The following RAB13 variants were observed in gnomAD, a reference collection of about 807,000 sequenced individuals.
RAB13 encodes the protein RAB13, member RAS oncogene family, also known as ras-related protein Rab-13.
RAB13 carries 15 observed loss-of-function variants against 29.3 expected under a neutral mutation model. That is an observed-to-expected ratio of 0.51 (90% CI 0.34 to 0.79). RAB13 has a LOEUF of 0.79. Ranked by LOEUF, RAB13 falls within the 30% of genes least tolerant of loss-of-function variation. The pLI is 0.01. For missense variants in RAB13, 186 were observed against 255.5 expected (o/e 0.73, Z 1.85); for synonymous variants, 82 against 93.8 (o/e 0.87, Z 0.73).
upstream of RAB13, among the ~76,000 whole-genome samples, chr1:153,987,883 G>A (rs1649229263): frequency 6.6e-6 from 1 of 151,482 alleles, no homozygotes; most frequent in Admixed American, 6.6e-5. Flanking sequence ...TTGAGCCCAA[G>A]AGTCCAAGGC....
In RAB13 at chr1:153,983,220, T is replaced by A; in HGVS notation, c.323A>T (p.Glu108Val). 6.2e-7 allele frequency: 1 copy of A among 1,612,484 alleles called. No individual in the cohort carries two copies. The highest frequency in any genetic ancestry group is 8.5e-7 in the Non-Finnish European group (1 of 1,178,480). Residue 108 changes from glutamate (E) to valine (V), a missense_variant and splice_region_variant, in exon 4 of 8, where the codon GAG (glutamate) becomes GTG (valine). Physicochemically the swap from Glu to Val is moderately radical, Grantham distance 121. Transcript: ENST00000368575. ...CCATCTCTTTTGGAGGGTCCTCACC[T>A]CCTTGATGCTTTTCATCCAGTTCTG... ...NIQNWMKSIK[E>V]NASAGVERLL...
chr1:153,988,041 G>C (rs1020148111), upstream of RAB13, among the ~76,000 whole-genome samples: 1 of 151,802 alleles, frequency 6.6e-6, no homozygotes, highest in Non-Finnish European at 1.5e-5. Flanking sequence ...CTGGAGTGCA[G>C]TGGCGCAATC....
chr1:153,983,583 T>C lies in RAB13; in HGVS notation c.186-2A>G, dbSNP rs754086932. The C allele has an allele frequency of 8.1e-6, 13 of 1,605,172 alleles. No individual in the cohort carries two copies. Among genetic ancestry groups the C allele is most frequent in the Non-Finnish European group, 1.1e-5 (13 of 1,172,004 alleles). On this transcript the variant is annotated splice_acceptor_variant, in intron 2 of 7. Coordinates refer to ENST00000368575, the MANE Select transcript of RAB13 (RefSeq NM_002870.5). LOFTEE classifies it high-confidence loss of function. Reference sequence around the variant, plus strand: ...AACCGCTCTTGGCCAGCCGTGTCCCTAAAGAAGGAGAAGTTTTCATGGGAT... The same window carrying C: ...AACCGCTCTTGGCCAGCCGTGTCCCCAAAGAAGGAGAAGTTTTCATGGGAT...
upstream of RAB13, among the ~76,000 whole-genome samples, chr1:153,987,340 AC>A (rs1649199155): frequency 1.3e-5 from 2 of 151,514 alleles, no homozygotes; most frequent in Non-Finnish European, 2.9e-5. Flanking sequence ...CCCCATCTCT[AC>A]TAAAAATACA....
Position 153,986,121 on chromosome 1 carries a change from G to A in RAB13, c.116C>T (p.Ser39Phe), listed in dbSNP as rs763641435. The change falls in exon 1 of 8, where the codon TCC (serine) becomes TTC (phenylalanine). Residue 39 changes from serine to phenylalanine, a missense_variant. Transcript: ENST00000368575. ...ATGGCCAGCGGGCTCACCGATGGTG[G>A]AGATGTAAGTGTTGTTGAAGTTGTC... ...AEDNFNNTYI[S>F]TIGIDFKIRT... 3.5e-5 allele frequency: 57 copies of A among 1,613,560 alleles called. No homozygotes were observed. Among genetic ancestry groups the A allele is most frequent in the Non-Finnish European group, 4.6e-5 (54 of 1,179,976 alleles).
At chr1:153,989,524 C>T (rs1000118647), upstream of RAB13, among the ~76,000 whole-genome samples, 2 of 151,586 alleles carry the variant, frequency 1.3e-5, no homozygotes, top group Non-Finnish European at 2.9e-5. Flanking sequence ...GCTGGGATTA[C>T]AGGCGTGAGC....
intron 7 of RAB13, 89 bp downstream of exon 7, chr1:153,982,302 A>C (rs867817720): frequency 7.7e-7 from 1 of 1,296,930 alleles, no homozygotes; most frequent in Non-Finnish European, 1.1e-6. Context: ...TATCAACACC[A>C]ACACACACAC....
chr1:153,983,453 A>G lies in RAB13; in HGVS notation c.246+68T>C, dbSNP rs531234487. 17 of 1,533,896 alleles carry G rather than the reference A, an allele frequency of 1.1e-5. No individual in the cohort carries two copies. In the Middle Eastern group the frequency reaches 1.0e-3, roughly 92 times the overall value. On this transcript the variant is annotated intron_variant, in intron 3 of 7. Transcript: ENST00000368575. The stretch of plus-strand genomic sequence containing the variant: ...CCATTTTTACCTGCCCCAACCCCTG[A>G]CCCTTTGTATTCATAATATATTCTG...
chr1:153,988,534 G>A (rs966897291), upstream of RAB13, among the ~76,000 whole-genome samples: 1 of 149,232 alleles, frequency 6.7e-6, no homozygotes, highest in Non-Finnish European at 1.5e-5. Flanking sequence ...CTCGTGATCT[G>A]CCCGCCTTGG....
upstream of RAB13, among the ~76,000 whole-genome samples, chr1:153,988,133 T>G (rs1254454023): frequency 1.3e-5 from 2 of 151,054 alleles, no homozygotes; most frequent in African/African-American, 4.9e-5. Context: ...CCTCTGGGAT[T>G]ACAGGTGCCC....
intron 2 of RAB13, among the ~76,000 whole-genome samples, chr1:153,983,817 T>C (rs1425585748): frequency 6.6e-6 from 1 of 152,202 alleles, no homozygotes; most frequent in Non-Finnish European, 1.5e-5. Flanking sequence ...AAGCACTGTG[T>C]ATGTATCATT....
upstream of RAB13, among the ~76,000 whole-genome samples, chr1:153,989,915 A>G (rs1176344525): frequency 6.6e-6 from 1 of 151,144 alleles, no homozygotes; most frequent in Admixed American, 6.6e-5. Flanking sequence ...AAATAAAAAT[A>G]AAAAAAAAGA....
At position 153,985,166 on chromosome 1, in the gene RAB13, G is replaced by C. The variant is rs943615323; in HGVS notation, c.125-385C>G. ...TGTTTTCTTAGAGCCCTCTACTCTT[G>C]GTATCCCACCTACCCTCCTAGTAGA... On this transcript the variant is annotated intron_variant, in intron 1 of 7. Transcript: ENST00000368575. 3.9e-6 allele frequency: 4 copies of C among 1,017,994 alleles called. No homozygotes were observed. In the South Asian group the frequency reaches 1.5e-4, roughly 39 times the overall value. The allele number at this position is 1,017,994 out of a possible 1,614,324, so 63.1% of individuals were successfully genotyped here.
At chr1:153,985,978 A>T in intron 1 of RAB13, 135 bp downstream of exon 1, 1 of 1,451,116 alleles carries the variant, frequency 6.9e-7, no homozygotes, top group Non-Finnish European at 9.2e-7. Context: ...GGGAAGGGTC[A>T]GAGCCAGGGG....
chr1:153,984,171 CTG>C (rs1649086864), intron 2 of RAB13, among the ~76,000 whole-genome samples: 1 of 120,774 alleles, frequency 8.3e-6, no homozygotes, highest in Non-Finnish European at 1.7e-5. Flanking sequence ...GAGCAAAACT[CTG>C]TCTCAAAAAA....
upstream of RAB13, among the ~76,000 whole-genome samples, chr1:153,986,953 C>T (rs1649187695): frequency 1.3e-5 from 2 of 152,126 alleles, no homozygotes; most frequent in African/African-American, 4.8e-5. Flanking sequence ...ACAGAATCGG[C>T]CCCACCACCC....
chr1:153,987,407 T>C (rs1649202847), upstream of RAB13, among the ~76,000 whole-genome samples: 1 of 151,218 alleles, frequency 6.6e-6, no homozygotes, highest in African/African-American at 2.4e-5. Context: ...TCCTAGCCAC[T>C]TGGGAGGCTG....
At chr1:153,982,841 T>C in intron 4 of RAB13, 33 bp from the exon 5 acceptor site, 1 of 1,610,376 alleles carries the variant, frequency 6.2e-7, no homozygotes, top group Non-Finnish European at 8.5e-7. Flanking sequence ...AGTTAGGTCC[T>C]GCCGGCTGGG....
Position 153,982,817 on chromosome 1 carries a change from A to G in RAB13, c.325-9T>C, listed in dbSNP as rs760656575. On this transcript the variant is annotated splice_polypyrimidine_tract_variant and intron_variant, in intron 4 of 7. Coordinates refer to ENST00000368575, the MANE Select transcript of RAB13 (RefSeq NM_002870.5). ...ACCCCAGCCGAGGCATTCTGGGGGC[A>G]AAAGACAAGTAAAAGTTAGGTCCTG... is the stretch of plus-strand genomic sequence containing the variant. The G allele has an allele frequency of 9.9e-6, 16 of 1,613,916 alleles. No individual in the cohort carries two copies. The highest frequency in any genetic ancestry group is 1.6e-4 in the Middle Eastern group (1 of 6,084).
Sources: gnomAD v4.1 joint callset for allele counts (sites outside exome capture counted in the v4.1 genomes callset) on GRCh38, gnomAD v4.1.1 for gene constraint, MANE v1.5 for transcripts, NCBI Gene and HGNC (gene_info 2026-07-23, HGNC 2026-07-21) for gene names.